Variants in NAF1 observed in about 807,000 individuals in gnomAD.
The protein encoded by NAF1 is H/ACA ribonucleoprotein complex non-core subunit NAF1.
In NAF1, 11 loss-of-function variants were observed where a neutral mutation model predicts 40.6. The ratio of observed to expected loss-of-function variants is 0.27; its 90% CI spans 0.17 to 0.45. NAF1 has a LOEUF of 0.45. Ranked by LOEUF, NAF1 falls within the 20% of genes least tolerant of loss-of-function variation. The pLI, the probability that NAF1 is intolerant of heterozygous loss-of-function variation, is 1.00. For synonymous variants in NAF1, 260 were observed against 228.5 expected, an observed-to-expected ratio of 1.14 and a Z score of -1.24; for missense variants, 607 against 611.1, an observed-to-expected ratio of 0.99 and a Z score of 0.07.
intron 2 of NAF1, among the ~76,000 whole-genome samples, chr4:163,115,261 T>C (rs1484719661): frequency 7.2e-6 from 1 of 138,306 alleles, no homozygotes; most frequent in African/African-American, 2.6e-5. Flanking sequence ...CAGGCTGGAG[T>C]GCAGTGGCGC....
intron 4 of NAF1, among the ~76,000 whole-genome samples, chr4:163,141,199 T>C (rs189157435): frequency 8.7e-4 from 133 of 152,268 alleles, no homozygotes; most frequent in Non-Finnish European, 1.5e-3. Context: ...ACTCTGTCTC[T>C]ACTAAAAATA....
chr4:163,164,487 G>A, intron 1 of NAF1, 96 bp from the exon 2 acceptor site: 1 of 856,610 alleles, frequency 1.2e-6, no homozygotes, highest in Non-Finnish European at 1.7e-6. Context: ...TTTAATACAA[G>A]TTTACTATTG....
intron 6 of NAF1, among the ~76,000 whole-genome samples, 162 bp downstream of exon 6, chr4:163,137,037 T>C (rs958937868): frequency 6.6e-6 from 1 of 152,166 alleles, no homozygotes; most frequent in Non-Finnish European, 1.5e-5. Flanking sequence ...AGGTATGAAA[T>C]AGTCATCTAG....
chr4:163,160,202 TTA>T (rs1422931399), intron 2 of NAF1, among the ~76,000 whole-genome samples: 1 of 152,310 alleles, frequency 6.6e-6, no homozygotes, highest in African/African-American at 2.4e-5. Flanking sequence ...AAAAAAGAAT[TTA>T]TGTTTAAAAG....
At chr4:163,162,877 C>T (rs1732282918) in intron 2 of NAF1, among the ~76,000 whole-genome samples, 1 of 152,168 alleles carries the variant, frequency 6.6e-6, no homozygotes, top group Non-Finnish European at 1.5e-5. Flanking sequence ...TCTTGGACTC[C>T]TTGTGGCCAC....
chr4:163,152,703 C>CT (rs1731763302), intron 2 of NAF1, among the ~76,000 whole-genome samples: 1 of 152,266 alleles, frequency 6.6e-6, no homozygotes, highest in South Asian at 2.1e-4. Flanking sequence ...ACAGCCCTGG[C>CT]TCACTCTCCG....
chr4:163,157,114 T>C (rs1732017510), intron 2 of NAF1: 1 of 152,048 alleles, frequency 6.6e-6, no homozygotes, highest in Non-Finnish European at 1.5e-5. Flanking sequence ...ACTACTAAAA[T>C]TCAACATACT....
At chr4:163,126,203 A>G (rs4691894), downstream of NAF1, among the ~76,000 whole-genome samples, 55,644 of 152,042 alleles carry the variant, frequency 0.37, 11,350 homozygotes, top group East Asian at 0.63. Flanking sequence ...ATGCAAGAAT[A>G]TTTTTTGCAA....
At chr4:163,157,568 T>A (rs977828528) in intron 2 of NAF1, 18 of 151,848 alleles carry the variant, frequency 1.2e-4, no homozygotes, top group African/African-American at 3.9e-4. Context: ...ATACAGAAAT[T>A]ATATACTAGA....
At chr4:163,120,817 A>G (rs1730497355) in intron 2 of NAF1, among the ~76,000 whole-genome samples, 1 of 152,068 alleles carries the variant, frequency 6.6e-6, no homozygotes, top group South Asian at 2.1e-4. Context: ...AATGACAGCA[A>G]TTTATCATTG....
downstream of NAF1, among the ~76,000 whole-genome samples, chr4:163,122,789 C>T (rs1444288894): frequency 3.3e-5 from 5 of 152,128 alleles, no homozygotes; most frequent in Non-Finnish European, 5.9e-5. Context: ...CTGCCTTCAC[C>T]ATGTGATGAC....
chr4:163,148,846 GGTTA>G (rs1462401028), intron 2 of NAF1, among the ~76,000 whole-genome samples: 5 of 152,212 alleles, frequency 3.3e-5, no homozygotes, highest in East Asian at 1.9e-4. Context: ...TTGTTAAATT[GGTTA>G]GTTAATTAGT....
downstream of NAF1, among the ~76,000 whole-genome samples, chr4:163,122,715 C>T (rs1018294710): frequency 1.3e-5 from 2 of 152,146 alleles, no homozygotes; most frequent in African/African-American, 2.4e-5. Flanking sequence ...AGGGCTCCCC[C>T]CTCACTGGGG....
intron 4 of NAF1, among the ~76,000 whole-genome samples, chr4:163,142,268 T>C (rs1389931789): frequency 6.6e-6 from 1 of 152,250 alleles, no homozygotes; most frequent in Non-Finnish European, 1.5e-5. Context: ...TTCTCTCACA[T>C]ATACACAAAC....
intron 2 of NAF1, among the ~76,000 whole-genome samples, chr4:163,113,527 G>GT (rs1233706527): frequency 6.6e-6 from 1 of 152,060 alleles, no homozygotes; most frequent in African/African-American, 2.4e-5. Flanking sequence ...TGCTGCATTT[G>GT]TAAGTTCAGC....
At chr4:163,137,375 G>T in intron 5 of NAF1, 125 bp from the exon 6 acceptor site, 2 of 949,218 alleles carry the variant, frequency 2.1e-6, no homozygotes, top group Non-Finnish European at 3.0e-6. Flanking sequence ...TTGCAATACA[G>T]TTATGTGTCT....
intron 2 of NAF1, among the ~76,000 whole-genome samples, chr4:163,160,073 A>C (rs1732155096): frequency 6.6e-6 from 1 of 152,140 alleles, no homozygotes; most frequent in South Asian, 2.1e-4. Flanking sequence ...AAAGAATCTC[A>C]ATTTTCCAAT....
Position 163,164,199 on chromosome 4 carries a change from A to G in NAF1, c.540+18T>C, listed in dbSNP as rs768525898. 44 of 1,503,414 alleles carry G rather than the reference A, an allele frequency of 2.9e-5. No individual in the cohort carries two copies. Among genetic ancestry groups the G allele is most frequent in the Admixed American group, 2.4e-4 (10 of 42,116 alleles). 93.1% of individuals were successfully genotyped at this position (1,503,414 alleles called of 1,614,324 possible). A position where few individuals can be genotyped will look rare whatever the true frequency, so the allele number is the denominator to read the frequency against. On this transcript the variant is annotated intron_variant, in intron 2 of 7. Coordinates refer to ENST00000274054, the MANE Select transcript of NAF1 (RefSeq NM_138386.3). ...TTTTAAAACATGCAAACTAAGCTTA[A>G]TAAATCTAAGTACTTACATTAAGAA...
chr4:163,106,352 C>T (rs1560771877), downstream of NAF1, among the ~76,000 whole-genome samples: 1 of 152,130 alleles, frequency 6.6e-6, no homozygotes, highest in Non-Finnish European at 1.5e-5. Context: ...TGACTATATG[C>T]TAAATTTAAT....
Sources: gnomAD v4.1 joint callset for allele counts (sites outside exome capture counted in the v4.1 genomes callset) on GRCh38, gnomAD v4.1.1 for gene constraint, MANE v1.5 for transcripts, NCBI Gene and HGNC (gene_info 2026-07-23, HGNC 2026-07-21) for gene names.